Variants in EXT2 observed in about 807,000 individuals in gnomAD.
EXT2 encodes the protein exostosin glycosyltransferase 2, also known as exostosin-2.
A neutral mutation model predicts 81.6 loss-of-function variants in EXT2; 53 were observed. That is an observed-to-expected ratio of 0.65 (90% CI 0.52 to 0.82). EXT2 has a LOEUF of 0.82. Ranked by LOEUF, EXT2 falls within the 40% of genes least tolerant of loss-of-function variation. The probability of loss-of-function intolerance (pLI) is 0.00; values close to 1 mark genes in which losing one functional copy is unlikely to be tolerated. For synonymous variants in EXT2, 320 were observed against 340.0 expected (o/e 0.94, Z 0.65); for missense variants, 774 against 910.2 (o/e 0.85, Z 1.93).
intron 7 of EXT2, chr11:44,144,459 CA>C (rs1954689162): frequency 1.2e-6 from 1 of 864,960 alleles, no homozygotes; most frequent in Non-Finnish European, 1.8e-6. Context: ...CCTTTCACCC[CA>C]ATGGCTCTTG....
At position 44,197,840 on chromosome 11, in the gene EXT2, C is replaced by T. The variant is rs559072403; in HGVS notation, c.1317C>T (p.Ser439=). ...WNDPPAVKWG[S]VSNPLFLPLI... Reference sequence around the variant, plus strand: ...CTGTCCTCTTGTAGAAGTGGGGCAGCGTGAGCAATCCACTCTTCCTCCCGC... The same window carrying T: ...CTGTCCTCTTGTAGAAGTGGGGCAGTGTGAGCAATCCACTCTTCCTCCCGC... Residue 439 remains serine, a synonymous_variant, in exon 9 of 14, where the codon AGC becomes AGT. Coordinates refer to ENST00000533608, the MANE Select transcript of EXT2 (RefSeq NM_207122.2). 1.4e-5 allele frequency: 22 copies of T among 1,614,002 alleles called. No homozygotes were observed. In the South Asian group the frequency reaches 1.9e-4, roughly 14 times the overall value.
chr11:44,119,361 C>T (rs575000596), intron 4 of EXT2, among the ~76,000 whole-genome samples: 1 of 152,002 alleles, frequency 6.6e-6, no homozygotes, highest in South Asian at 2.1e-4. Flanking sequence ...GTAGAAGACG[C>T]ATGGGGTGAA....
At chr11:44,126,311 G>A (rs947759068) in intron 5 of EXT2, among the ~76,000 whole-genome samples, 1 of 152,166 alleles carries the variant, frequency 6.6e-6, no homozygotes, top group African/African-American at 2.4e-5. Context: ...TATATAAAAA[G>A]CACACTGTTA....
At chr11:44,166,583 A>G (rs1954997563) in intron 7 of EXT2, among the ~76,000 whole-genome samples, 1 of 152,166 alleles carries the variant, frequency 6.6e-6, no homozygotes, top group Non-Finnish European at 1.5e-5. Flanking sequence ...TAGTTACATA[A>G]CTCAAGTTAC....
chr11:44,178,800 T>TAA (rs5791612), intron 8 of EXT2, among the ~76,000 whole-genome samples: 3 of 150,748 alleles, frequency 2.0e-5, no homozygotes, highest in African/African-American at 7.3e-5. Flanking sequence ...TAGATATGAT[T>TAA]AAAAAAAAAA....
chr11:44,204,654 C>T (rs1955560938), intron 9 of EXT2, among the ~76,000 whole-genome samples: 1 of 152,186 alleles, frequency 6.6e-6, no homozygotes, highest in Non-Finnish European at 1.5e-5. Flanking sequence ...AGATCAGTGG[C>T]AGCATTAGAT....
rs549299643 is a variant in EXT2, at chr11:44,236,298, C to T, written c.1941C>T (p.Thr647=). 1.9e-5 allele frequency: 31 copies of T among 1,614,066 alleles called. No homozygotes were observed. In the East Asian group the frequency reaches 3.3e-4, roughly 17 times the overall value. Residue 647 remains threonine, a synonymous_variant, in exon 13 of 14, where the codon ACC becomes ACT. Transcript: ENST00000533608. ...NVTGKAVIKV[T]PRKKFKCPEC... is the part of the protein sequence containing the mutation. ...TTTTTGTCCTCCTCTGGCAGGTAAC[C>T]CCACGAAAGAAATTCAAGTGTCCTG...
chr11:44,233,742 A>C (rs1955925405), intron 11 of EXT2, among the ~76,000 whole-genome samples: 1 of 152,146 alleles, frequency 6.6e-6, no homozygotes, highest in South Asian at 2.1e-4. Context: ...TTTATTTTGT[A>C]ATAAGCAAAC....
At chr11:44,196,981 G>A (rs1164708493) in intron 8 of EXT2, among the ~76,000 whole-genome samples, 1 of 152,216 alleles carries the variant, frequency 6.6e-6, no homozygotes, top group Non-Finnish European at 1.5e-5. Context: ...GGACTTCACT[G>A]TAAGATGTTG....
intron 10 of EXT2, among the ~76,000 whole-genome samples, chr11:44,219,815 G>A (rs142677189): frequency 6.6e-6 from 1 of 152,290 alleles, no homozygotes; most frequent in African/African-American, 2.4e-5. Flanking sequence ...AAAAAAGGGG[G>A]CATCCCTAAC....
At chr11:44,155,956 C>T (rs548397852) in intron 7 of EXT2, among the ~76,000 whole-genome samples, 4 of 152,172 alleles carry the variant, frequency 2.6e-5, no homozygotes, top group South Asian at 4.2e-4. Context: ...TTTGTTTGTC[C>T]GGGAAAGTAT....
intron 10 of EXT2, among the ~76,000 whole-genome samples, chr11:44,212,220 G>A (rs1352103982): frequency 2.0e-5 from 3 of 151,942 alleles, no homozygotes; most frequent in Admixed American, 6.6e-5. Flanking sequence ...GGGAGGCAGA[G>A]GTTGCCGTGA....
chr11:44,215,895 A>C (rs1487462370), intron 10 of EXT2, among the ~76,000 whole-genome samples: 1 of 127,578 alleles, frequency 7.8e-6, no homozygotes. Flanking sequence ...TTTGAGACGG[A>C]GTCTCGCTCT....
chr11:44,134,309 T>TA (rs1162550782), intron 7 of EXT2, among the ~76,000 whole-genome samples: 8 of 151,720 alleles, frequency 5.3e-5, no homozygotes, highest in South Asian at 4.1e-4. Flanking sequence ...TAGGAGATAA[T>TA]AAAAAAAATC....
At position 44,247,985 on chromosome 11, in the gene EXT2, G is replaced by T. The variant is rs1956109800; in HGVS notation, c.*3698G>T. Among the ~76,000 whole-genome samples, 1 of 152,210 alleles carries T rather than the reference G, an allele frequency of 6.6e-6. No individual in the cohort carries two copies. The highest frequency in any genetic ancestry group is 2.1e-4 in the South Asian group (1 of 4,824). On this transcript the variant is annotated 3_prime_UTR_variant, in exon 14 of 14. Coordinates refer to ENST00000533608, the MANE Select transcript of EXT2 (RefSeq NM_207122.2). ...TAGATGAAGCAGAGACTGGGTTTGG[G>T]AAGTGGTTGGGTTCTGGGAAGGCTC... is the stretch of plus-strand genomic sequence containing the variant.
rs71035677 is a variant in EXT2 at position 44,101,944 on chromosome 11, TAAAAAA to T, written c.-30-5723_-30-5718del. Among the ~76,000 whole-genome samples the T allele has an allele frequency of 2.4e-3, 319 of 131,170 alleles. 2 individuals carry two copies. Among genetic ancestry groups the T allele is most frequent in the African/African-American group, 8.7e-3 (301 of 34,486 alleles). 86.1% of individuals were successfully genotyped at this position (131,170 alleles called of 152,430 possible). ...GGTGCTGCTTGACTTGTATAATCAG[TAAAAAA>T]AAAAAAAAAAAAAAATTAAGAGCTG... On this transcript the variant is annotated intron_variant, in intron 1 of 13. Transcript: ENST00000533608.
At chr11:44,142,459 A>G (rs770081484) in intron 7 of EXT2, among the ~76,000 whole-genome samples, 26 of 152,212 alleles carry the variant, frequency 1.7e-4, no homozygotes, top group Non-Finnish European at 3.1e-4. Flanking sequence ...GTGGGTAGTT[A>G]CTGCCCATTT....
intron 7 of EXT2, among the ~76,000 whole-genome samples, chr11:44,147,674 C>T (rs1399252378): frequency 2.6e-5 from 4 of 151,770 alleles, no homozygotes; most frequent in Middle Eastern, 3.4e-3. Flanking sequence ...CATTCTCCTG[C>T]CTCAGCCTCC....
At chr11:44,134,108 T>C (rs560714792) in intron 7 of EXT2, among the ~76,000 whole-genome samples, 20 of 152,230 alleles carry the variant, frequency 1.3e-4, no homozygotes, top group Non-Finnish European at 2.6e-4. Context: ...ACACGTGGCA[T>C]TGGGCAGACT....
Sources: gnomAD v4.1 joint callset for allele counts (sites outside exome capture counted in the v4.1 genomes callset) on GRCh38, gnomAD v4.1.1 for gene constraint, MANE v1.5 for transcripts, NCBI Gene and HGNC (gene_info 2026-07-23, HGNC 2026-07-21) for gene names.